The following NFIB variants were observed in gnomAD, a reference collection of about 807,000 sequenced individuals.
NFIB encodes the protein nuclear factor I B, also known as nuclear factor 1 B-type.
A neutral mutation model predicts 61.5 loss-of-function variants in NFIB; 11 were observed. The ratio of observed to expected loss-of-function variants is 0.18; its 90% CI spans 0.11 to 0.30. NFIB has a LOEUF of 0.30. NFIB is among the 10% of genes least tolerant of loss of function. The pLI is 1.00. For synonymous variants in NFIB, 260 were observed against 216.5 expected (o/e 1.20, Z -1.76); for missense variants, 471 against 608.9 (o/e 0.77, Z 2.38).
At chr9:14,292,708 A>G (rs975480582) in intron 2 of NFIB, among the ~76,000 whole-genome samples, 9 of 152,246 alleles carry the variant, frequency 5.9e-5, no homozygotes, top group African/African-American at 1.4e-4. Flanking sequence ...AGCTGCTTCA[A>G]TCACTATATG....
At chr9:14,433,832 C>A in the NFIB span, among the ~76,000 whole-genome samples, 1 of 152,124 alleles carries the variant, frequency 6.6e-6, no homozygotes, top group Non-Finnish European at 1.5e-5. Flanking sequence ...ATTCATAATG[C>A]TTTCTGTTTT....
At chr9:14,437,967 G>T in the NFIB span, among the ~76,000 whole-genome samples, 1 of 152,160 alleles carries the variant, frequency 6.6e-6, no homozygotes, top group South Asian at 2.1e-4. Flanking sequence ...CCAGAGTCCT[G>T]CCTCTTGTTT....
intron 1 of NFIB, among the ~76,000 whole-genome samples, chr9:14,388,531 A>C (rs980921771): frequency 1.4e-4 from 21 of 151,796 alleles, no homozygotes; most frequent in Non-Finnish European, 2.9e-5. Flanking sequence ...GAGAGAGGGA[A>C]GGGAAGGAGG....
chr9:14,285,935 T>A (rs1038687830), intron 2 of NFIB, among the ~76,000 whole-genome samples: 4 of 150,994 alleles, frequency 2.6e-5, no homozygotes, highest in Admixed American at 2.6e-4. Flanking sequence ...TGCTGAAAGT[T>A]ATACAGTTAA....
intron 2 of NFIB, among the ~76,000 whole-genome samples, chr9:14,259,015 G>T (rs974054511): frequency 6.6e-6 from 1 of 152,128 alleles, no homozygotes; most frequent in African/African-American, 2.4e-5. Context: ...AGTTCTATGG[G>T]GAGTGGGGGA....
intron 1 of NFIB, among the ~76,000 whole-genome samples, chr9:14,312,578 T>A (rs1364360802): frequency 1.3e-5 from 2 of 152,202 alleles, no homozygotes; most frequent in Non-Finnish European, 2.9e-5. Context: ...GGTAAGTCTG[T>A]TGGGTCTCGC....
At chr9:14,319,189 TAA>T (rs77773525) in intron 1 of NFIB, among the ~76,000 whole-genome samples, 19 of 137,692 alleles carry the variant, frequency 1.4e-4, no homozygotes, top group Admixed American at 1.5e-4. Context: ...CTCCACTGTT[TAA>T]AAAAAAAAAA....
chr9:14,267,989 C>T (rs574005059), intron 2 of NFIB, among the ~76,000 whole-genome samples: 15 of 151,872 alleles, frequency 9.9e-5, no homozygotes, highest in African/African-American at 3.4e-4. Flanking sequence ...AAAATGTGCC[C>T]GGCATGATGG....
chr9:14,213,190 A>G (rs941375878), intron 2 of NFIB, among the ~76,000 whole-genome samples: 4 of 152,220 alleles, frequency 2.6e-5, no homozygotes, highest in Non-Finnish European at 5.9e-5. Flanking sequence ...TTTCCATGGC[A>G]GAAAGACTGG....
At position 14,213,299 on chromosome 9, in the gene NFIB, T is replaced by G. The variant is rs190555912; in HGVS notation, c.563-33519A>C. Reference sequence around the variant, plus strand: ...GGAAAGTTACCTATCCACCAGCAGGTTGATCTTTGGAAAGTTAACGCGGGC... The same window carrying G: ...GGAAAGTTACCTATCCACCAGCAGGGTGATCTTTGGAAAGTTAACGCGGGC... On this transcript the variant is annotated intron_variant, in intron 2 of 10. Coordinates refer to ENST00000380953, the MANE Select transcript of NFIB (RefSeq NM_001190737.2). Among the ~76,000 whole-genome samples, 13 of 149,530 alleles carry G rather than the reference T, an allele frequency of 8.7e-5. No individual in the cohort carries two copies. The East Asian group carries it at 2.5e-3, about 29-fold the overall frequency.
intron 7 of NFIB, among the ~76,000 whole-genome samples, chr9:14,123,249 C>CAA (rs546131243): frequency 1.8e-4 from 20 of 110,048 alleles, no homozygotes; most frequent in African/African-American, 5.9e-4. Flanking sequence ...GACCCTGTCT[C>CAA]AAAAAAAAAA....
At chr9:14,470,679 T>C in the NFIB span, among the ~76,000 whole-genome samples, 1 of 152,280 alleles carries the variant, frequency 6.6e-6, no homozygotes, top group East Asian at 1.9e-4. Flanking sequence ...TCTTGTAGTA[T>C]AAATTCGAGA....
chr9:14,349,294 C>T (rs2061076112), intron 1 of NFIB, among the ~76,000 whole-genome samples: 3 of 152,102 alleles, frequency 2.0e-5, no homozygotes, highest in Non-Finnish European at 2.9e-5. Flanking sequence ...CTGGAAGTCT[C>T]ATTTGAGGAG....
In NFIB at chr9:14,216,542, C is replaced by G. The variant is rs1404855293; in HGVS notation, c.563-36762G>C. Among the ~76,000 whole-genome samples the G allele has an allele frequency of 5.7e-3, 168 of 29,408 alleles. 6 individuals are homozygous for G. Among genetic ancestry groups the G allele is most frequent in the East Asian group, 0.055 (79 of 1,428 alleles). The allele number at this position is 29,408 out of a possible 152,430, so 19.3% of individuals were successfully genotyped here. ...TCTCTCTCTCTCTCTCTCTCTCTCT[C>G]CCTCTGTGTGTGTGTGTGTGTGTGT... On this transcript the variant is annotated intron_variant, in intron 2 of 10. Transcript: ENST00000380953.
At chr9:14,393,809 T>C (rs1588417335) in intron 1 of NFIB, among the ~76,000 whole-genome samples, 1 of 152,206 alleles carries the variant, frequency 6.6e-6, no homozygotes, top group African/African-American at 2.4e-5. Context: ...CTTATTTTCC[T>C]ATTGGTTTGT....
chr9:14,303,271 TATC>T (rs1446770788), intron 2 of NFIB, among the ~76,000 whole-genome samples: 1 of 152,180 alleles, frequency 6.6e-6, no homozygotes, highest in East Asian at 1.9e-4. Context: ...ATGCATCACA[TATC>T]ATTACGTTAG....
chr9:14,430,997 G>A, the NFIB span, among the ~76,000 whole-genome samples: 1 of 152,106 alleles, frequency 6.6e-6, no homozygotes, highest in Non-Finnish European at 1.5e-5. Flanking sequence ...GACAATATGG[G>A]CATGGAAATA....
intron 1 of NFIB, among the ~76,000 whole-genome samples, chr9:14,338,569 A>G (rs146500738): frequency 6.6e-6 from 1 of 152,332 alleles, no homozygotes; most frequent in African/African-American, 2.4e-5. Context: ...AGTGAAGGCT[A>G]ATAATGAATA....
At chr9:14,201,873 T>C (rs77490970) in intron 2 of NFIB, among the ~76,000 whole-genome samples, 4,467 of 151,142 alleles carry the variant, frequency 0.03, 220 homozygotes, top group African/African-American at 0.1. Context: ...TTGTGACATA[T>C]ACAGATGATA....
Sources: allele counts gnomAD v4.1 joint callset (sites outside exome capture counted in the v4.1 genomes callset), GRCh38; gene constraint gnomAD v4.1.1; transcripts MANE v1.5; gene names NCBI Gene and HGNC (gene_info 2026-07-23, HGNC 2026-07-21).